The following CBFA2T2 variants were observed in gnomAD, a reference collection of about 807,000 sequenced individuals.
CBFA2T2 encodes the protein protein CBFA2T2.
CBFA2T2 carries 11 observed loss-of-function variants against 62.2 expected under a neutral mutation model. That is an observed-to-expected ratio of 0.18 (90% CI 0.11 to 0.29). CBFA2T2 has a LOEUF of 0.29. CBFA2T2 is among the 10% of genes least tolerant of loss of function. The probability of loss-of-function intolerance (pLI) is 1.00; values close to 1 mark genes in which losing one functional copy is unlikely to be tolerated. For missense variants in CBFA2T2, 592 were observed against 774.1 expected (o/e 0.76, Z 2.79); for synonymous variants, 295 against 287.5 (o/e 1.03, Z -0.27).
intron 1 of CBFA2T2, among the ~76,000 whole-genome samples, chr20:33,585,304 T>G (rs2014313433): frequency 6.6e-6 from 1 of 152,222 alleles, no homozygotes; most frequent in Non-Finnish European, 1.5e-5. Flanking sequence ...GAAATTGGTA[T>G]TTACCTCTTA....
chr20:33,596,716 C>G (rs12624780), intron 1 of CBFA2T2, among the ~76,000 whole-genome samples: 21,805 of 152,102 alleles, frequency 0.14, 2,018 homozygotes, highest in East Asian at 0.39. Flanking sequence ...GACTTTCCCA[C>G]CCCAGGCCTC....
chr20:33,522,395 T>TAAAC (rs1349203030), intron 1 of CBFA2T2, among the ~76,000 whole-genome samples: 2 of 152,058 alleles, frequency 1.3e-5, no homozygotes, highest in Admixed American at 1.3e-4. Context: ...GAGCAACCAC[T>TAAAC]AGTGTACATG....
chr20:33,570,323 C>A (rs1473426889), intron 1 of CBFA2T2, among the ~76,000 whole-genome samples: 4 of 152,180 alleles, frequency 2.6e-5, no homozygotes, highest in African/African-American at 9.6e-5. Flanking sequence ...TTTGAAAAGC[C>A]CCTGGCAGCC....
chr20:33,551,604 C>T (rs1001571601), intron 1 of CBFA2T2, among the ~76,000 whole-genome samples: 1 of 152,094 alleles, frequency 6.6e-6, no homozygotes, highest in Admixed American at 6.5e-5. Context: ...GATCTCAGCT[C>T]ATTGCAACCT....
chr20:33,512,091 C>T (rs570929683), intron 1 of CBFA2T2, among the ~76,000 whole-genome samples: 36 of 152,286 alleles, frequency 2.4e-4, no homozygotes, highest in African/African-American at 7.2e-4. Flanking sequence ...GTAGGAGAAT[C>T]GCTTGAACCC....
chr20:33,596,421 T>TA (rs1273136616), intron 1 of CBFA2T2, among the ~76,000 whole-genome samples: 1 of 152,286 alleles, frequency 6.6e-6, no homozygotes, highest in Non-Finnish European at 1.5e-5. Context: ...CTAATCATTA[T>TA]AATAACCTAA....
chr20:33,600,834 G>C (rs1304344560), intron 1 of CBFA2T2, among the ~76,000 whole-genome samples: 6 of 152,186 alleles, frequency 3.9e-5, no homozygotes, highest in Non-Finnish European at 7.3e-5. Context: ...ATCCAGGACA[G>C]TCAAGTAGAT....
At position 33,649,139 on chromosome 20, in the gene CBFA2T2, A is replaced by G. The variant is rs924850595; in HGVS notation, c.*4493A>G. 2.0e-5 allele frequency: 3 copies of G among 152,192 alleles called. No homozygotes were observed. Among genetic ancestry groups the G allele is most frequent in the African/African-American group, 7.2e-5 (3 of 41,446 alleles). 9.4% of individuals were successfully genotyped at this position (152,192 alleles called of 1,614,324 possible). ...AACAAGGTTTCCAGGCTCCCAGGTC[A>G]GTAGACCAAACCAACTTCCTTAGAT... On this transcript the variant is annotated 3_prime_UTR_variant, in exon 11 of 11. Transcript: ENST00000342704.
intron 8 of CBFA2T2, among the ~76,000 whole-genome samples, chr20:33,631,467 A>G (rs1157150913): frequency 1.3e-5 from 2 of 152,240 alleles, no homozygotes; most frequent in Non-Finnish European, 2.9e-5. Flanking sequence ...TACCTCATTC[A>G]TCAGTGAGTC....
rs2015365610 is a variant in CBFA2T2 at position 33,607,008 on chromosome 20, G to A, written c.87G>A (p.Lys29=). 9 of 1,613,898 alleles carry A rather than the reference G, an allele frequency of 5.6e-6. No individual in the cohort carries two copies. Among genetic ancestry groups the A allele is most frequent in the Non-Finnish European group, 7.6e-6 (9 of 1,179,888 alleles). The change falls in exon 2 of 11, where the codon AAG becomes AAA. Residue 29 remains lysine, a synonymous_variant. Coordinates refer to ENST00000342704, the MANE Select transcript of CBFA2T2 (RefSeq NM_001032999.3). ...PAMPGSPVEV[K]IQSRSSPPTM... ...TGCCTGGATCGCCTGTGGAAGTGAAGATACAGTCCAGATCCTCACCTCCCA... is the reference window on the plus strand; with the variant it reads ...TGCCTGGATCGCCTGTGGAAGTGAAAATACAGTCCAGATCCTCACCTCCCA...
chr20:33,538,057 G>A (rs1161749909), intron 1 of CBFA2T2, among the ~76,000 whole-genome samples: 1 of 150,880 alleles, frequency 6.6e-6, no homozygotes, highest in African/African-American at 2.4e-5. Flanking sequence ...ATCTGTTTGG[G>A]GGAAGAGCTG....
At chr20:33,605,790 T>C (rs1389336459) in intron 1 of CBFA2T2, among the ~76,000 whole-genome samples, 1 of 152,054 alleles carries the variant, frequency 6.6e-6, no homozygotes, top group Non-Finnish European at 1.5e-5. Flanking sequence ...AGTTGATATG[T>C]ATATATATAA....
intron 1 of CBFA2T2, among the ~76,000 whole-genome samples, chr20:33,518,343 A>G (rs943837237): frequency 1.3e-5 from 2 of 152,170 alleles, no homozygotes; most frequent in Non-Finnish European, 2.9e-5. Context: ...TTGAAATGCC[A>G]TTGTGGGATA....
chr20:33,494,976 G>T (rs893754627), intron 1 of CBFA2T2, among the ~76,000 whole-genome samples: 2 of 152,188 alleles, frequency 1.3e-5, no homozygotes, highest in Non-Finnish European at 2.9e-5. Flanking sequence ...CAGTTCCAAC[G>T]TTGTCTTTCT....
At chr20:33,548,065 G>A (rs1001098852) in intron 1 of CBFA2T2, among the ~76,000 whole-genome samples, 4 of 151,150 alleles carry the variant, frequency 2.6e-5, no homozygotes, top group African/African-American at 7.3e-5. Context: ...GCCACTGGAC[G>A]ATACCTGGCC....
At chr20:33,503,251 TTTC>T (rs1403655545) in intron 1 of CBFA2T2, among the ~76,000 whole-genome samples, 5 of 43,528 alleles carry the variant, frequency 1.1e-4, no homozygotes, top group Admixed American at 2.9e-4. Flanking sequence ...TCTTTCTTTC[TTTC>T]TTTTTTTTTT....
intron 1 of CBFA2T2, among the ~76,000 whole-genome samples, chr20:33,539,941 G>GC (rs1411614814): frequency 6.6e-6 from 1 of 152,068 alleles, no homozygotes. Flanking sequence ...CAAGTGCTGG[G>GC]ATTATTGGTG....
At chr20:33,623,014 A>T in intron 4 of CBFA2T2, 101 bp from the exon 5 acceptor site, 2 of 1,095,164 alleles carry the variant, frequency 1.8e-6, no homozygotes, top group South Asian at 3.0e-5. Flanking sequence ...CAAGGAGAGA[A>T]AGGCTTTTAT....
At chr20:33,503,458 T>C (rs1478874016) in intron 1 of CBFA2T2, among the ~76,000 whole-genome samples, 1 of 151,974 alleles carries the variant, frequency 6.6e-6, no homozygotes, top group Non-Finnish European at 1.5e-5. Flanking sequence ...TTTCACCATG[T>C]TGACCAGGCT....
Sources: gnomAD v4.1 joint callset for allele counts (sites outside exome capture counted in the v4.1 genomes callset) on GRCh38, gnomAD v4.1.1 for gene constraint, MANE v1.5 for transcripts, NCBI Gene and HGNC (gene_info 2026-07-23, HGNC 2026-07-21) for gene names.